Variants in DGKI observed in about 807,000 individuals in gnomAD.
DGKI encodes the protein diacylglycerol kinase iota.
Under a neutral mutation model 147.5 loss-of-function variants are expected in DGKI, and 55 were observed. That is an observed-to-expected ratio of 0.37 (90% CI 0.30 to 0.47). The LOEUF is 0.47. DGKI is among the 20% of genes least tolerant of loss of function. The pLI, the probability that DGKI is intolerant of heterozygous loss-of-function variation, is 1.00. For missense variants in DGKI, 1,007 were observed against 1,323.8 expected (o/e 0.76, Z 3.71); for synonymous variants, 469 against 477.1 (o/e 0.98, Z 0.22).
intron 12 of DGKI, among the ~76,000 whole-genome samples, chr7:137,591,528 T>A (rs1819616742): frequency 6.6e-6 from 1 of 152,052 alleles, no homozygotes; most frequent in Non-Finnish European, 1.5e-5. Context: ...CAGCCAGCAT[T>A]CCCGGAAGAC....
chr7:137,751,874 C>T (rs1795498659), intron 1 of DGKI, among the ~76,000 whole-genome samples: 2 of 151,914 alleles, frequency 1.3e-5, no homozygotes, highest in South Asian at 4.1e-4. Flanking sequence ...AACCTCAGAA[C>T]CAAAAAGCAA....
At chr7:137,595,862 T>C (rs1819771635) in intron 12 of DGKI, among the ~76,000 whole-genome samples, 1 of 151,080 alleles carries the variant, frequency 6.6e-6, no homozygotes, top group South Asian at 2.1e-4. Flanking sequence ...ATTAGCCCGC[T>C]GTGGTGGCAC....
chr7:137,715,839 A>T (rs567773103), intron 1 of DGKI, among the ~76,000 whole-genome samples: 1 of 152,302 alleles, frequency 6.6e-6, no homozygotes, highest in Admixed American at 6.5e-5. Flanking sequence ...AGAGAGAAGT[A>T]GGGAAGTCTT....
At chr7:137,543,931 TA>T (rs1817784330) in intron 20 of DGKI, among the ~76,000 whole-genome samples, 1 of 152,210 alleles carries the variant, frequency 6.6e-6, no homozygotes, top group Non-Finnish European at 1.5e-5. Flanking sequence ...AACTGATTTT[TA>T]AAATAATATC....
chr7:137,759,540 C>T (rs1795792755), intron 1 of DGKI, among the ~76,000 whole-genome samples: 1 of 152,068 alleles, frequency 6.6e-6, no homozygotes, highest in South Asian at 2.1e-4. Flanking sequence ...CGGGGTTTCA[C>T]CATGTTGGCC....
chr7:137,679,788 G>A (rs1056586790), intron 2 of DGKI, among the ~76,000 whole-genome samples: 12 of 151,872 alleles, frequency 7.9e-5, no homozygotes, highest in Non-Finnish European at 1.5e-4. Flanking sequence ...AGGAGTTTGA[G>A]ACCAGCCTGG....
At chr7:137,395,838 G>A in intron 31 of DGKI, 141 bp from the exon 32 acceptor site, 1 of 627,914 alleles carries the variant, frequency 1.6e-6, no homozygotes, top group East Asian at 2.8e-5. Flanking sequence ...ACATTCTGGG[G>A]AGGTAGGGAA....
At chr7:137,447,091 T>C (rs777956060) in intron 27 of DGKI, among the ~76,000 whole-genome samples, 18 of 152,380 alleles carry the variant, frequency 1.2e-4, no homozygotes, top group Admixed American at 5.9e-4. Flanking sequence ...TTGTTTGTGC[T>C]TTGTTTTTAT....
At chr7:137,405,744 C>G (rs1562998570) in intron 30 of DGKI, among the ~76,000 whole-genome samples, 1 of 152,142 alleles carries the variant, frequency 6.6e-6, no homozygotes, top group African/African-American at 2.4e-5. Flanking sequence ...GGAACCCCAG[C>G]ACTACCATGC....
chr7:137,639,185 C>T (rs1362510297), intron 6 of DGKI, among the ~76,000 whole-genome samples: 1 of 152,082 alleles, frequency 6.6e-6, no homozygotes, highest in Non-Finnish European at 1.5e-5. Flanking sequence ...AATTCAGCAA[C>T]AGAGAGAGCA....
At chr7:137,525,837 G>C (rs996143650) in intron 20 of DGKI, among the ~76,000 whole-genome samples, 2 of 152,094 alleles carry the variant, frequency 1.3e-5, no homozygotes, top group African/African-American at 2.4e-5. Flanking sequence ...AAAATGTTTA[G>C]AGCACATGAA....
chr7:137,571,147 A>G (rs368623530), intron 19 of DGKI, 28 bp downstream of exon 19: 255 of 1,513,590 alleles, frequency 1.7e-4, no homozygotes, highest in Non-Finnish European at 2.2e-4. Context: ...AATACATTTC[A>G]TTTTAATAAA....
intron 1 of DGKI, among the ~76,000 whole-genome samples, chr7:137,811,327 C>A (rs1429533043): frequency 6.6e-6 from 1 of 151,492 alleles, no homozygotes; most frequent in Non-Finnish European, 1.5e-5. Context: ...AGATTTAATT[C>A]TCTCTGTCTG....
intron 1 of DGKI, among the ~76,000 whole-genome samples, chr7:137,765,726 C>A (rs1024991573): frequency 6.6e-6 from 1 of 152,172 alleles, no homozygotes; most frequent in African/African-American, 2.4e-5. Context: ...GTTTACTAAA[C>A]AATTCAGCTA....
chr7:137,823,490 A>G (rs886256075), intron 1 of DGKI, among the ~76,000 whole-genome samples: 2 of 152,182 alleles, frequency 1.3e-5, no homozygotes, highest in African/African-American at 4.8e-5. Flanking sequence ...ATCCTGAAAA[A>G]CTTTTTCAAC....
intron 1 of DGKI, among the ~76,000 whole-genome samples, chr7:137,772,653 A>G (rs1301616258): frequency 1.3e-5 from 2 of 152,178 alleles, no homozygotes; most frequent in Non-Finnish European, 2.9e-5. Context: ...TTCAAAAAAA[A>G]AGAAGAAGAA....
intron 1 of DGKI, among the ~76,000 whole-genome samples, chr7:137,819,932 T>C (rs138074985): frequency 0.021 from 3,219 of 152,352 alleles, 52 homozygotes; most frequent in Non-Finnish European, 0.032. Flanking sequence ...TCACTACCGC[T>C]GTAGGGCATT....
At chr7:137,774,387 A>T (rs779011274) in intron 1 of DGKI, among the ~76,000 whole-genome samples, 46 of 152,288 alleles carry the variant, frequency 3.0e-4, no homozygotes, top group South Asian at 8.3e-4. Context: ...GAAGCTAAAC[A>T]TTTCCATGCA....
chr7:137,810,292 C>G (rs1797520897), intron 1 of DGKI, among the ~76,000 whole-genome samples: 1 of 152,138 alleles, frequency 6.6e-6, no homozygotes, highest in African/African-American at 2.4e-5. Flanking sequence ...CAAATTCATT[C>G]ATCACTCACT....
Sources: gnomAD v4.1 joint callset for allele counts (sites outside exome capture counted in the v4.1 genomes callset) on GRCh38, gnomAD v4.1.1 for gene constraint, MANE v1.5 for transcripts, NCBI Gene and HGNC (gene_info 2026-07-23, HGNC 2026-07-21) for gene names.